Variants in TTLL5 observed in about 807,000 individuals in gnomAD.
TTLL5 encodes tubulin polyglutamylase TTLL5.
In TTLL5, 132 loss-of-function variants were observed where a neutral mutation model predicts 168.4. That is an observed-to-expected ratio of 0.78 (90% CI 0.68 to 0.91). The LOEUF is 0.91. Among genes scored for constraint, TTLL5 ranks in the 40% least tolerant of loss-of-function variants. The pLI, the probability that TTLL5 is intolerant of heterozygous loss-of-function variation, is 0.00. For synonymous variants in TTLL5, 546 were observed against 558.6 expected, an observed-to-expected ratio of 0.98 and a Z score of 0.32; for missense variants, 1,545 against 1,581.5, an observed-to-expected ratio of 0.98 and a Z score of 0.39.
chr14:75,802,723 G>A (rs374348732), intron 27 of TTLL5, among the ~76,000 whole-genome samples: 1 of 152,190 alleles, frequency 6.6e-6, no homozygotes, highest in African/African-American at 2.4e-5. Context: ...TGTAATGGTG[G>A]CAGCTACATA....
At chr14:75,917,042 A>G (rs1354332502) in intron 31 of TTLL5, among the ~76,000 whole-genome samples, 2 of 152,142 alleles carry the variant, frequency 1.3e-5, no homozygotes, top group Non-Finnish European at 2.9e-5. Flanking sequence ...AGAGGGGAAT[A>G]GGATGTTTTT....
Position 75,694,418 on chromosome 14 carries a change from C to T in TTLL5, c.502+4096C>T, listed in dbSNP as rs141531224. ...ATGGTGTGATCTCGGCTCACTGCAA[C>T]CTCTGCCTCCTGGGTTCAAGCAATT... On this transcript the variant is annotated intron_variant, in intron 6 of 31. Transcript: ENST00000298832. 3.7e-3 allele frequency among the ~76,000 whole-genome samples: 558 copies of T among 151,636 alleles called. 3 individuals are homozygous for T. The highest frequency in any genetic ancestry group is 0.013 in the African/African-American group (542 of 41,330).
chr14:75,730,035 A>G (rs1888431806), intron 12 of TTLL5, among the ~76,000 whole-genome samples: 2 of 152,228 alleles, frequency 1.3e-5, no homozygotes, highest in Non-Finnish European at 1.5e-5. Context: ...CAATATGTGC[A>G]TCAATTACTA....
At chr14:75,829,244 G>A (rs548333976) in intron 28 of TTLL5, among the ~76,000 whole-genome samples, 4 of 152,298 alleles carry the variant, frequency 2.6e-5, no homozygotes, top group African/African-American at 9.6e-5. Context: ...TCACTTAAGA[G>A]ATAATTGCAC....
intron 26 of TTLL5, among the ~76,000 whole-genome samples, chr14:75,791,830 A>G (rs534780721): frequency 3.2e-4 from 48 of 152,288 alleles, no homozygotes; most frequent in African/African-American, 1.1e-3. Context: ...GAAATAGGTT[A>G]TATTATTTCT....
intron 28 of TTLL5, among the ~76,000 whole-genome samples, chr14:75,833,283 C>T (rs990705888): frequency 2.0e-5 from 3 of 152,178 alleles, no homozygotes; most frequent in Non-Finnish European, 2.9e-5. Context: ...CTCTGCTGTT[C>T]GGTACATCTT....
At chr14:75,758,759 A>C (rs1201186514) in intron 18 of TTLL5, among the ~76,000 whole-genome samples, 1 of 152,188 alleles carries the variant, frequency 6.6e-6, no homozygotes, top group African/African-American at 2.4e-5. Context: ...ATCTTCACAT[A>C]TTTGGGAATT....
At chr14:75,871,565 TA>T (rs60974706) in intron 29 of TTLL5, among the ~76,000 whole-genome samples, 3,215 of 137,512 alleles carry the variant, frequency 0.023, 71 homozygotes, top group African/African-American at 0.065. Context: ...CACAAATCTT[TA>T]AAAAAAAAAA....
intron 28 of TTLL5, among the ~76,000 whole-genome samples, chr14:75,851,665 G>A (rs1896862318): frequency 1.3e-5 from 2 of 152,180 alleles, no homozygotes; most frequent in Non-Finnish European, 1.5e-5. Flanking sequence ...AGGGGCCACC[G>A]TGCAGCCGCT....
intron 12 of TTLL5, among the ~76,000 whole-genome samples, chr14:75,723,190 A>C (rs77958882): frequency 0.01 from 1,551 of 152,194 alleles, 26 homozygotes; most frequent in Non-Finnish European, 0.011. Context: ...CCTGGGCCCA[A>C]AGGATCCACC....
intron 27 of TTLL5, among the ~76,000 whole-genome samples, chr14:75,803,717 T>C (rs1270991303): frequency 6.6e-6 from 1 of 152,126 alleles, no homozygotes; most frequent in Non-Finnish European, 1.5e-5. Context: ...AGGAGAAGTG[T>C]CGTGGTGGCC....
chr14:75,679,478 G>C (rs1884435492), intron 3 of TTLL5, among the ~76,000 whole-genome samples: 1 of 152,196 alleles, frequency 6.6e-6, no homozygotes, highest in African/African-American at 2.4e-5. Context: ...AGAGCTGTAA[G>C]ACAATAAATT....
chr14:75,926,812 A>G (rs918823177), intron 31 of TTLL5, among the ~76,000 whole-genome samples: 3 of 152,214 alleles, frequency 2.0e-5, no homozygotes, highest in Non-Finnish European at 4.4e-5. Context: ...ACTCCTAAAT[A>G]TACATTTAGG....
intron 22 of TTLL5, 140 bp from the exon 23 acceptor site, chr14:75,776,607 C>A (rs1595019990): frequency 2.0e-6 from 1 of 499,974 alleles, no homozygotes; most frequent in Non-Finnish European, 3.5e-6. Flanking sequence ...TTATAGGTGG[C>A]AAAAGTACAT....
chr14:75,696,759 C>T (rs967211388), intron 6 of TTLL5, among the ~76,000 whole-genome samples: 1 of 152,166 alleles, frequency 6.6e-6, no homozygotes, highest in Non-Finnish European at 1.5e-5. Flanking sequence ...TTTTTACATA[C>T]CCTCTAGAGA....
intron 27 of TTLL5, among the ~76,000 whole-genome samples, chr14:75,803,747 G>C (rs1032619176): frequency 1.3e-5 from 2 of 152,202 alleles, no homozygotes; most frequent in South Asian, 2.1e-4. Flanking sequence ...CTGAGCTTCC[G>C]TGTGAAGTCT....
At chr14:75,674,030 T>C (rs896563811) in intron 3 of TTLL5, among the ~76,000 whole-genome samples, 4 of 152,240 alleles carry the variant, frequency 2.6e-5, no homozygotes, top group African/African-American at 4.8e-5. Context: ...ATGTATTCTA[T>C]GGCAATAGGC....
chr14:75,731,288 A>T (rs1360296371), intron 12 of TTLL5, among the ~76,000 whole-genome samples: 1 of 151,826 alleles, frequency 6.6e-6, no homozygotes, highest in Non-Finnish European at 1.5e-5. Flanking sequence ...AAAAAATATA[A>T]GCAGTTTTTT....
intron 29 of TTLL5, among the ~76,000 whole-genome samples, chr14:75,870,430 A>G: frequency 6.6e-6 from 1 of 151,654 alleles, no homozygotes; most frequent in East Asian, 2.0e-4. Context: ...TTAATGAAAG[A>G]AATATCTTAA....
Sources: gnomAD v4.1 joint callset for allele counts (sites outside exome capture counted in the v4.1 genomes callset) on GRCh38, gnomAD v4.1.1 for gene constraint, MANE v1.5 for transcripts, NCBI Gene and HGNC (gene_info 2026-07-23, HGNC 2026-07-21) for gene names.